ABTB2: variants seen among roughly 807,000 people sequenced by gnomAD.
ABTB2 encodes ankyrin repeat and BTB domain containing 2.
Under a neutral mutation model 104.1 loss-of-function variants are expected in ABTB2, and 56 were observed. The observed-to-expected ratio is 0.54, with a 90% CI of 0.43 to 0.67. The LOEUF is 0.67. Among genes scored for constraint, ABTB2 ranks in the 30% least tolerant of loss-of-function variants. The pLI is 0.00. For synonymous variants in ABTB2, 606 were observed against 608.2 expected, an observed-to-expected ratio of 1.00 and a Z score of 0.05; for missense variants, 1,279 against 1,407.7, an observed-to-expected ratio of 0.91 and a Z score of 1.46.
intron 1 of ABTB2, among the ~76,000 whole-genome samples, chr11:34,311,351 G>A (rs1471815484): frequency 6.6e-6 from 1 of 152,222 alleles, no homozygotes; most frequent in Non-Finnish European, 1.5e-5. Flanking sequence ...TACTGAAGGT[G>A]ATATTTAGTC....
chr11:34,337,132 G>A (rs570444381), intron 1 of ABTB2, among the ~76,000 whole-genome samples: 6 of 152,374 alleles, frequency 3.9e-5, no homozygotes, highest in Admixed American at 2.0e-4. Flanking sequence ...ATTCGGATGA[G>A]TGCTGGCTAA....
chr11:34,351,122 G>A (rs1484190556), intron 1 of ABTB2, among the ~76,000 whole-genome samples: 1 of 152,224 alleles, frequency 6.6e-6, no homozygotes, highest in African/African-American at 2.4e-5. Flanking sequence ...AGCTGAGGAT[G>A]TGCAACCAAG....
At position 34,229,093 on chromosome 11, in the gene ABTB2, C is replaced by T. The variant is rs1279839692; in HGVS notation, c.884-24403G>A. ...CAAGATCGCGCCACTGCACTCCAGC[C>T]TGGGAGACAGAGCAAGACTCCGTCT... On this transcript the variant is annotated intron_variant, in intron 1 of 16. Transcript: ENST00000435224. Among the ~76,000 whole-genome samples the T allele has an allele frequency of 2.3e-5, 3 of 131,088 alleles. No homozygotes were observed. The Admixed American group carries it at 2.8e-4, about 12-fold the overall frequency. 86.0% of individuals were successfully genotyped at this position (131,088 alleles called of 152,430 possible). A position where few individuals can be genotyped will look rare whatever the true frequency, so the allele number is the denominator to read the frequency against.
intron 1 of ABTB2, among the ~76,000 whole-genome samples, chr11:34,217,964 T>C (rs11032560): frequency 0.031 from 4,757 of 152,338 alleles, 127 homozygotes; most frequent in East Asian, 0.14. Context: ...GTGTTCTGGA[T>C]TCTGGCCACT....
chr11:34,157,252 G>T (rs1228195003), intron 14 of ABTB2, among the ~76,000 whole-genome samples: 1 of 152,204 alleles, frequency 6.6e-6, no homozygotes, highest in African/African-American at 2.4e-5. Context: ...AGACCCACGG[G>T]GCAAGGCCAG....
chr11:34,178,126 A>G (rs1852978661), intron 3 of ABTB2, among the ~76,000 whole-genome samples: 1 of 152,196 alleles, frequency 6.6e-6, no homozygotes, highest in Non-Finnish European at 1.5e-5. Context: ...CTTTCAATAT[A>G]CAGAAATCTA....
intron 3 of ABTB2, among the ~76,000 whole-genome samples, chr11:34,195,082 G>GGT (rs1554982341): frequency 1.1e-5 from 1 of 94,946 alleles, no homozygotes; most frequent in African/African-American, 3.4e-5. Flanking sequence ...CGGCGGGGGG[G>GGT]GGGAGTGGGG....
rs1855478760 is a variant in ABTB2 at position 34,357,232 on chromosome 11, GC to G, written c.351del (p.Gln119SerfsTer7). On this transcript the variant is annotated frameshift_variant, in exon 1 of 17. Transcript: ENST00000435224. LOFTEE classifies it high-confidence loss of function. ...CTCACCGCCTCGGCGGAGAACTGGG[GC>G]AGCCGCCGGCCGCCAGCGCCTTTGC... is the stretch of plus-strand genomic sequence containing the variant. ...VLRKGAGGRR[L>X]PQFSAEAVRR... 1 of 1,504,368 alleles carries G rather than the reference GC, an allele frequency of 6.6e-7. No individual in the cohort carries two copies. Among genetic ancestry groups the G allele is most frequent in the African/African-American group, 1.4e-5 (1 of 70,576 alleles). 93.2% of individuals were successfully genotyped at this position (1,504,368 alleles called of 1,614,324 possible).
intron 1 of ABTB2, among the ~76,000 whole-genome samples, chr11:34,308,109 C>T (rs1333965325): frequency 2.0e-5 from 3 of 152,162 alleles, no homozygotes; most frequent in Admixed American, 1.3e-4. Context: ...ATCTGCAAAA[C>T]GGGGATAACA....
intron 1 of ABTB2, among the ~76,000 whole-genome samples, chr11:34,281,145 G>A (rs1038690946): frequency 6.6e-6 from 1 of 152,140 alleles, no homozygotes; most frequent in African/African-American, 2.4e-5. Context: ...AACACCCAGC[G>A]TGGTCCCTCC....
At chr11:34,283,169 C>T (rs915453607) in intron 1 of ABTB2, among the ~76,000 whole-genome samples, 8 of 150,700 alleles carry the variant, frequency 5.3e-5, no homozygotes, top group African/African-American at 2.0e-4. Flanking sequence ...CCGCCTGCCT[C>T]GGCCTCCCAA....
rs1001680841 is a variant in ABTB2 at position 34,356,813 on chromosome 11, G to C, written c.771C>G (p.Ala257=). The change falls in exon 1 of 17, where the codon GCC becomes GCG. Residue 257 remains alanine, a synonymous_variant. Transcript: ENST00000435224. This position sits in a 1 kb window ranked among gnomAD's most constrained non-coding sequence, Gnocchi z 4.6. ...CCTCAGCAGACACCTCCCCGCCTCCGGCCCCTCCGCCATCAGGGCTGTGGC... is the reference window on the plus strand; with the variant it reads ...CCTCAGCAGACACCTCCCCGCCTCCCGCCCCTCCGCCATCAGGGCTGTGGC... ...MASHSPDGGG[A]GGGEVSAEAL... 6.2e-6 allele frequency: 10 copies of C among 1,607,534 alleles called. No individual in the cohort carries two copies. Among genetic ancestry groups the C allele is most frequent in the Non-Finnish European group, 8.5e-6 (10 of 1,177,084 alleles).
At chr11:34,297,926 G>T (rs1007996527) in intron 1 of ABTB2, among the ~76,000 whole-genome samples, 2 of 151,954 alleles carry the variant, frequency 1.3e-5, no homozygotes, top group African/African-American at 4.8e-5. Context: ...TATAAAAGAG[G>T]CTTCCCAGGG....
At chr11:34,267,252 T>A (rs1484998288) in intron 1 of ABTB2, among the ~76,000 whole-genome samples, 1 of 152,192 alleles carries the variant, frequency 6.6e-6, no homozygotes, top group South Asian at 2.1e-4. Flanking sequence ...AAGCCAATGC[T>A]GGTGGAATTC....
chr11:34,173,011 A>G (rs1234871855), intron 4 of ABTB2, 144 bp downstream of exon 4: 18 of 1,037,064 alleles, frequency 1.7e-5, no homozygotes, highest in Non-Finnish European at 2.3e-5. Flanking sequence ...TGGCCTTTGC[A>G]GAGGACACCC....
intron 1 of ABTB2, among the ~76,000 whole-genome samples, chr11:34,338,024 T>C (rs7104735): frequency 0.3 from 45,430 of 151,342 alleles, 7,078 homozygotes; most frequent in African/African-American, 0.37. Context: ...CCACCCCCAG[T>C]GATGTAGATG....
intron 1 of ABTB2, among the ~76,000 whole-genome samples, chr11:34,224,604 AC>A (rs1335197249): frequency 6.6e-6 from 1 of 152,100 alleles, no homozygotes; most frequent in Non-Finnish European, 1.5e-5. Context: ...GGTGGACCCA[AC>A]CTTGCAGGGT....
At chr11:34,260,428 C>T (rs924697893) in intron 1 of ABTB2, among the ~76,000 whole-genome samples, 16 of 152,178 alleles carry the variant, frequency 1.1e-4, no homozygotes, top group Admixed American at 4.6e-4. Flanking sequence ...AGGTCCCAAC[C>T]GCTGATCACG....
At chr11:34,313,628 C>T (rs1319052399) in intron 1 of ABTB2, among the ~76,000 whole-genome samples, 1 of 152,214 alleles carries the variant, frequency 6.6e-6, no homozygotes, top group Non-Finnish European at 1.5e-5. Flanking sequence ...TTACAATACA[C>T]ATTTCATGTA....
Sources: allele counts gnomAD v4.1 joint callset (sites outside exome capture counted in the v4.1 genomes callset), GRCh38; gene constraint gnomAD v4.1.1; non-coding constraint Gnocchi (gnomAD v3.1); transcripts MANE v1.5; gene names NCBI Gene and HGNC (gene_info 2026-07-23, HGNC 2026-07-21).